The following MPPED2 variants were observed in gnomAD, a reference collection of about 807,000 sequenced individuals.
MPPED2 encodes the protein metallophosphoesterase domain containing 2, also known as metallophosphoesterase MPPED2.
MPPED2 carries 5 observed loss-of-function variants against 33.0 expected under a neutral mutation model. The observed-to-expected ratio is 0.15, with a 90% CI of 0.08 to 0.32. The LOEUF is 0.32. Ranked by LOEUF, MPPED2 falls within the 10% of genes least tolerant of loss-of-function variation. MPPED2 has a pLI of 1.00. For synonymous variants in MPPED2, 136 were observed against 141.9 expected (o/e 0.96, Z 0.29); for missense variants, 275 against 372.1 (o/e 0.74, Z 2.15).
chr11:30,393,765 A>G (rs1214794676), intron 6 of MPPED2, among the ~76,000 whole-genome samples: 2 of 152,086 alleles, frequency 1.3e-5, no homozygotes, highest in Non-Finnish European at 2.9e-5. Context: ...TGCTGGGATC[A>G]TTTTTCAAAA....
At chr11:30,581,040 A>G (rs1164250587) in intron 1 of MPPED2, among the ~76,000 whole-genome samples, 4 of 152,230 alleles carry the variant, frequency 2.6e-5, no homozygotes, top group Non-Finnish European at 5.9e-5. Flanking sequence ...TTCTTTCACA[A>G]GCAGCTCCCA....
At chr11:30,470,052 A>AT (rs1590406329) in intron 4 of MPPED2, among the ~76,000 whole-genome samples, 1 of 152,132 alleles carries the variant, frequency 6.6e-6, no homozygotes, top group African/African-American at 2.4e-5. Context: ...TGGTGACTGA[A>AT]TTTTTTATCT....
intron 4 of MPPED2, among the ~76,000 whole-genome samples, chr11:30,453,659 G>A (rs973279796): frequency 3.3e-5 from 5 of 152,284 alleles, no homozygotes; most frequent in East Asian, 1.9e-4. Flanking sequence ...AAGAATTTCT[G>A]GTCATTTTCT....
intron 3 of MPPED2, among the ~76,000 whole-genome samples, chr11:30,533,135 G>T (rs1025953611): frequency 1.3e-5 from 2 of 152,148 alleles, no homozygotes; most frequent in African/African-American, 2.4e-5. Context: ...AAGGAAAAGG[G>T]CTCACACTTT....
chr11:30,562,353 C>T (rs567850204), intron 2 of MPPED2, among the ~76,000 whole-genome samples: 26 of 152,132 alleles, frequency 1.7e-4, no homozygotes, highest in Non-Finnish European at 3.2e-4. Flanking sequence ...AGGACATATT[C>T]TGAAATGAAA....
intron 6 of MPPED2, among the ~76,000 whole-genome samples, chr11:30,413,850 G>A (rs1250590926): frequency 1.3e-5 from 2 of 152,162 alleles, no homozygotes. Flanking sequence ...GCTTAAAATA[G>A]CTTCTAATAT....
intron 2 of MPPED2, among the ~76,000 whole-genome samples, chr11:30,537,374 T>C (rs1954865944): frequency 6.6e-6 from 1 of 152,170 alleles, no homozygotes; most frequent in African/African-American, 2.4e-5. Flanking sequence ...ATATTTCATA[T>C]CCCAGCCCCA....
At chr11:30,452,884 G>A (rs1565081769) in intron 4 of MPPED2, among the ~76,000 whole-genome samples, 1 of 148,110 alleles carries the variant, frequency 6.8e-6, no homozygotes, top group African/African-American at 2.5e-5. Context: ...AGGGATCTGG[G>A]AAAAAAAAAA....
chr11:30,579,186 G>A (rs940866227), intron 2 of MPPED2, among the ~76,000 whole-genome samples: 3 of 151,368 alleles, frequency 2.0e-5, no homozygotes, highest in Admixed American at 2.0e-4. Flanking sequence ...GTAAATTCCA[G>A]GGTGGGGGGG....
intron 6 of MPPED2, among the ~76,000 whole-genome samples, chr11:30,398,991 T>G (rs1475361677): frequency 6.6e-6 from 1 of 152,164 alleles, no homozygotes; most frequent in Non-Finnish European, 1.5e-5. Flanking sequence ...TAATTGTTTG[T>G]GAAAGATGCT....
intron 4 of MPPED2, among the ~76,000 whole-genome samples, chr11:30,484,506 C>T (rs1951632124): frequency 6.6e-6 from 1 of 152,142 alleles, no homozygotes. Flanking sequence ...CTGCTAAACC[C>T]AGAAACTTCA....
intron 3 of MPPED2, among the ~76,000 whole-genome samples, chr11:30,514,911 T>C (rs1953438845): frequency 6.6e-6 from 1 of 152,080 alleles, no homozygotes; most frequent in Non-Finnish European, 1.5e-5. Context: ...ACAAGCCTGG[T>C]GTGGTGAAAC....
chr11:30,395,114 T>C (rs2133700333), intron 6 of MPPED2, among the ~76,000 whole-genome samples: 1 of 152,304 alleles, frequency 6.6e-6, no homozygotes, highest in South Asian at 2.1e-4. Flanking sequence ...TTATCATAAT[T>C]GTTCAAGTAG....
chr11:30,476,040 A>C (rs1951177741), intron 4 of MPPED2, among the ~76,000 whole-genome samples: 1 of 152,078 alleles, frequency 6.6e-6, no homozygotes, highest in Non-Finnish European at 1.5e-5. Context: ...ATTTGGATAT[A>C]TCCCTTTATG....
intron 5 of MPPED2, among the ~76,000 whole-genome samples, chr11:30,415,657 C>A (rs559442314): frequency 3.9e-5 from 6 of 152,336 alleles, no homozygotes; most frequent in African/African-American, 1.4e-4. Flanking sequence ...AGCTGTCACT[C>A]TGCTCTACTC....
At chr11:30,563,208 G>A (rs1321504797) in intron 2 of MPPED2, among the ~76,000 whole-genome samples, 1 of 152,070 alleles carries the variant, frequency 6.6e-6, no homozygotes, top group African/African-American at 2.4e-5. Flanking sequence ...GCAGTCCCCA[G>A]CCCTTTTGGC....
intron 3 of MPPED2, among the ~76,000 whole-genome samples, chr11:30,530,211 T>C (rs1335896542): frequency 6.6e-6 from 1 of 152,162 alleles, no homozygotes; most frequent in Non-Finnish European, 1.5e-5. Context: ...TATTATAAGT[T>C]CTTTGAGAAT....
chr11:30,507,437 T>C (rs1277330794), intron 3 of MPPED2, among the ~76,000 whole-genome samples: 3 of 152,332 alleles, frequency 2.0e-5, no homozygotes, highest in African/African-American at 7.2e-5. Context: ...TATGTCAATT[T>C]TAATAATATC....
intron 6 of MPPED2, among the ~76,000 whole-genome samples, chr11:30,412,047 A>G (rs982501112): frequency 6.6e-6 from 1 of 151,914 alleles, no homozygotes; most frequent in African/African-American, 2.4e-5. Flanking sequence ...ATTGAGAGTT[A>G]AGAAATGTAG....
Sources: gnomAD v4.1 joint callset for allele counts (sites outside exome capture counted in the v4.1 genomes callset) on GRCh38, gnomAD v4.1.1 for gene constraint, MANE v1.5 for transcripts, NCBI Gene and HGNC (gene_info 2026-07-23, HGNC 2026-07-21) for gene names.